Variants in ZMYM6 observed in about 807,000 individuals in gnomAD.
ZMYM6 encodes zinc finger MYM-type containing 6.
ZMYM6 carries 90 observed loss-of-function variants against 134.0 expected under a neutral mutation model. The ratio of observed to expected loss-of-function variants is 0.67; its 90% CI spans 0.57 to 0.80. ZMYM6 has a LOEUF of 0.80. Ranked by LOEUF, ZMYM6 falls within the 30% of genes least tolerant of loss-of-function variation. The probability of loss-of-function intolerance (pLI) is 0.00; values close to 1 mark genes in which losing one functional copy is unlikely to be tolerated. For synonymous variants in ZMYM6, 481 were observed against 524.1 expected (o/e 0.92, Z 1.12); for missense variants, 1,362 against 1,533.9 (o/e 0.89, Z 1.87).
intron 2 of ZMYM6, among the ~76,000 whole-genome samples, chr1:35,022,232 T>C (rs920411304): frequency 6.6e-6 from 1 of 152,196 alleles, no homozygotes; most frequent in African/African-American, 2.4e-5. Context: ...ACAAAGAGAC[T>C]ACGTGCACAG....
In ZMYM6 at chr1:35,001,272, T is replaced by G. The variant is rs886874880; in HGVS notation, c.1992+2696A>C. Reference sequence around the variant, plus strand: ...AAAAGATTCTAAAACTGTCAGGTGTTTTTTTTTTTTTTTTTCACATTGTAA... The same window carrying G: ...AAAAGATTCTAAAACTGTCAGGTGTGTTTTTTTTTTTTTTTCACATTGTAA... On this transcript the variant is annotated intron_variant, in intron 14 of 15. Transcript: ENST00000357182. 3.9e-5 allele frequency among the ~76,000 whole-genome samples: 4 copies of G among 101,854 alleles called. No individual in the cohort carries two copies. The African/African-American group carries it at 4.0e-4, about 10-fold the overall frequency. 66.8% of individuals were successfully genotyped at this position (101,854 alleles called of 152,430 possible).
At chr1:35,027,002 T>C (rs1641426011) in intron 2 of ZMYM6, among the ~76,000 whole-genome samples, 2 of 152,100 alleles carry the variant, frequency 1.3e-5, no homozygotes, top group Non-Finnish European at 2.9e-5. Context: ...GATTGCACTA[T>C]ACAATTAAAA....
At chr1:35,009,003 G>C in intron 10 of ZMYM6, 79 bp from the exon 11 acceptor site, 1 of 1,433,120 alleles carries the variant, frequency 7.0e-7, no homozygotes. Context: ...TGTGGTCTTA[G>C]ATATGAAACT....
intron 11 of ZMYM6, 149 bp from the exon 12 acceptor site, chr1:35,007,247 TATTTA>T: frequency 1.4e-6 from 1 of 739,412 alleles, no homozygotes; most frequent in Non-Finnish European, 2.0e-6. Flanking sequence ...ATACTGATTT[TATTTA>T]ATTATTTGTT....
chr1:35,019,964 C>T (rs770025321), intron 3 of ZMYM6, among the ~76,000 whole-genome samples: 22 of 152,100 alleles, frequency 1.4e-4, no homozygotes, highest in Non-Finnish European at 2.8e-4. Context: ...GCCACTAAAC[C>T]CAGCCCAGTC....
At chr1:34,992,817 TA>T (rs1469069566) in intron 14 of ZMYM6, among the ~76,000 whole-genome samples, 3 of 144,976 alleles carry the variant, frequency 2.1e-5, no homozygotes, top group African/African-American at 7.5e-5. Context: ...AATATACTTA[TA>T]AACTATAAAT....
At position 35,002,102 on chromosome 1, in the gene ZMYM6, C is replaced by T. The variant is rs145335368; in HGVS notation, c.1992+1866G>A. 2.7e-3 allele frequency among the ~76,000 whole-genome samples: 411 copies of T among 152,256 alleles called. 2 individuals are homozygous for T. Among genetic ancestry groups the T allele is most frequent in the African/African-American group, 9.4e-3 (392 of 41,544 alleles). Reference sequence around the variant, plus strand: ...TTTACTGTTAGTTGTGCCCAAGGCCCGGATTGACTGCTAGGACCCTCTTCC... The same window carrying T: ...TTTACTGTTAGTTGTGCCCAAGGCCTGGATTGACTGCTAGGACCCTCTTCC... On this transcript the variant is annotated intron_variant, in intron 14 of 15. Transcript: ENST00000357182.
At chr1:35,001,664 T>C (rs780672840) in intron 14 of ZMYM6, among the ~76,000 whole-genome samples, 67 of 152,216 alleles carry the variant, frequency 4.4e-4, no homozygotes, top group Non-Finnish European at 6.0e-4. Flanking sequence ...ATTTATTATG[T>C]AATTTTAAAA....
At position 34,988,223 on chromosome 1, in the gene ZMYM6, A is replaced by G; in HGVS notation, c.2859T>C (p.Thr953=). The G allele has an allele frequency of 6.5e-7, 1 of 1,548,928 alleles. No individual in the cohort carries two copies. Among genetic ancestry groups the G allele is most frequent in the Non-Finnish European group, 8.7e-7 (1 of 1,145,964 alleles). The change falls in exon 16 of 16, where the codon ACT becomes ACC. Residue 953 remains threonine, a synonymous_variant. Coordinates refer to ENST00000357182, the MANE Select transcript of ZMYM6 (RefSeq NM_007167.4). ...TTATTAGTTCAAATATTTCAAAGCC[A>G]GTTATTTGAGTAGGCATTTCAATGC... is the stretch of plus-strand genomic sequence containing the variant. ...LFCIEMPTQI[T]GFEIFELINK...
chr1:35,005,034 G>A, intron 13 of ZMYM6, 98 bp downstream of exon 13: 1 of 1,429,280 alleles, frequency 7.0e-7, no homozygotes, highest in Admixed American at 1.9e-5. Context: ...CTCCAGCCTG[G>A]GCAACAAGAG....
At chr1:35,020,531 T>G (rs1641288785) in intron 2 of ZMYM6, 64 bp from the exon 3 acceptor site, 2 of 1,201,356 alleles carry the variant, frequency 1.7e-6, no homozygotes, top group Non-Finnish European at 1.1e-6. Flanking sequence ...AAACTAGAAA[T>G]TCAAGCAAAA....
intron 8 of ZMYM6, among the ~76,000 whole-genome samples, chr1:35,011,551 G>C (rs1641087010): frequency 1.3e-5 from 2 of 152,236 alleles, no homozygotes; most frequent in South Asian, 4.1e-4. Flanking sequence ...TGAGAGGAAG[G>C]GGTATGTGAA....
At chr1:35,028,239 C>G (rs1232582939) in intron 2 of ZMYM6, among the ~76,000 whole-genome samples, 1 of 151,110 alleles carries the variant, frequency 6.6e-6, no homozygotes, top group Non-Finnish European at 1.5e-5. Context: ...TCGCTTGAAC[C>G]TGGGAGGCGG....
Position 34,987,751 on chromosome 1 carries a change from C to T in ZMYM6, c.3331G>A (p.Gly1111Arg), listed in dbSNP as rs1274478487. ...ATATCTGATAAGTAGGCCAGCTTTC[C>T]AACCCATTCCTCATCATGAAAATAC... ...AKYFHDEEWV[G>R]KLAYLSDIFS... The change falls in exon 16 of 16, where the codon GGA becomes AGA. Residue 1111 changes from glycine to arginine, a missense_variant. Physicochemically the swap from Gly to Arg is moderately radical, Grantham distance 125. Transcript: ENST00000357182. 16 of 1,551,310 alleles carry T rather than the reference C, an allele frequency of 1.0e-5. No homozygotes were observed. In the East Asian group the frequency reaches 2.9e-4, roughly 28 times the overall value.
chr1:35,028,177 G>A (rs1337039122), intron 2 of ZMYM6, among the ~76,000 whole-genome samples: 2 of 151,400 alleles, frequency 1.3e-5, no homozygotes, highest in African/African-American at 2.4e-5. Flanking sequence ...TTAGCCAGGC[G>A]TGGTGGCGCA....
chr1:34,996,434 T>C lies in ZMYM6; in HGVS notation c.1993-4047A>G, dbSNP rs569181985. 2.6e-5 allele frequency among the ~76,000 whole-genome samples: 4 copies of C among 152,348 alleles called. No homozygotes were observed. The South Asian group carries it at 8.3e-4, about 32-fold the overall frequency. ...ACAGATGTGCCAAAAAATTCAAAGA[T>C]TCACGTAATACACAATGAAAAAATA... On this transcript the variant is annotated intron_variant, in intron 14 of 15. Transcript: ENST00000357182.
intron 2 of ZMYM6, among the ~76,000 whole-genome samples, chr1:35,027,554 G>A (rs931880443): frequency 2.6e-5 from 4 of 151,956 alleles, no homozygotes; most frequent in Non-Finnish European, 5.9e-5. Context: ...TTCAGGACCA[G>A]CCTGGGCAAC....
At chr1:35,003,209 A>G (rs1640911569) in intron 14 of ZMYM6, among the ~76,000 whole-genome samples, 1 of 151,138 alleles carries the variant, frequency 6.6e-6, no homozygotes, top group Non-Finnish European at 1.5e-5. Flanking sequence ...AAAAAGCATA[A>G]CAGTCATCAA....
chr1:34,990,939 A>T (rs1640662370), intron 15 of ZMYM6, among the ~76,000 whole-genome samples: 1 of 152,192 alleles, frequency 6.6e-6, no homozygotes, highest in Non-Finnish European at 1.5e-5. Flanking sequence ...ATCTCAGCTC[A>T]CCGCAACCTC....
Sources: gnomAD v4.1 joint callset for allele counts (sites outside exome capture counted in the v4.1 genomes callset) on GRCh38, gnomAD v4.1.1 for gene constraint, MANE v1.5 for transcripts, NCBI Gene and HGNC (gene_info 2026-07-23, HGNC 2026-07-21) for gene names.